The following EYS variants were observed in gnomAD, a reference collection of about 807,000 sequenced individuals.
EYS encodes the protein EGF-like photoreceptor maintenance factor.
Under a neutral mutation model 282.1 loss-of-function variants are expected in EYS, and 250 were observed. The observed-to-expected ratio is 0.89, with a 90% confidence interval of 0.80 to 0.98. The LOEUF (loss-of-function observed/expected upper bound fraction) is 0.98. EYS is among the 50% of genes least tolerant of loss of function. EYS has a pLI of 0.00. For missense variants in EYS, 4,016 were observed against 3,709.0 expected, an observed-to-expected ratio of 1.08 and a Z score of -2.15; for synonymous variants, 1,355 against 1,282.9, an observed-to-expected ratio of 1.06 and a Z score of -1.20.
intron 9 of EYS, among the ~76,000 whole-genome samples, chr6:65,347,965 A>G (rs1770463657): frequency 6.6e-6 from 1 of 151,702 alleles, no homozygotes; most frequent in African/African-American, 2.4e-5. Flanking sequence ...CTACAAATAC[A>G]TGAGAACATG....
intron 2 of EYS, among the ~76,000 whole-genome samples, chr6:65,497,037 T>C (rs1404383861): frequency 1.3e-5 from 2 of 152,026 alleles, no homozygotes; most frequent in Non-Finnish European, 2.9e-5. Context: ...AAAGATAAAA[T>C]ACAACTTCTA....
intron 5 of EYS, among the ~76,000 whole-genome samples, chr6:65,449,096 C>CA (rs1480904446): frequency 1.3e-5 from 2 of 152,048 alleles, no homozygotes; most frequent in South Asian, 2.1e-4. Flanking sequence ...GGACCGAGCA[C>CA]AAAAATAACC....
intron 11 of EYS, among the ~76,000 whole-genome samples, chr6:65,325,366 A>T (rs187903841): frequency 6.6e-6 from 1 of 152,316 alleles, no homozygotes; most frequent in Admixed American, 6.5e-5. Context: ...TGCATTTGAT[A>T]CCTACACTGT....
intron 26 of EYS, among the ~76,000 whole-genome samples, chr6:64,456,677 G>T (rs1775568029): frequency 6.6e-6 from 1 of 151,682 alleles, no homozygotes; most frequent in Non-Finnish European, 1.5e-5. Context: ...GGGTTTTTTT[G>T]CAGGCATATG....
intron 35 of EYS, among the ~76,000 whole-genome samples, chr6:63,958,968 G>T (rs941339128): frequency 2.6e-5 from 4 of 152,156 alleles, no homozygotes; most frequent in African/African-American, 9.7e-5. Flanking sequence ...TTGTTTTCAT[G>T]CTTGCTGATA....
rs59095242 is a variant in EYS at position 65,210,931 on chromosome 6, A to AACACACACAC, written c.2023+84922_2023+84931dup. Among the ~76,000 whole-genome samples, 808 of 148,486 alleles carry AACACACACAC rather than the reference A, an allele frequency of 5.4e-3. 6 individuals carry two copies. Among genetic ancestry groups the AACACACACAC allele is most frequent in the African/African-American group, 0.019 (774 of 40,588 alleles). ...TTTAATTTACCTATAAAGTCGTACA[A>AACACACACAC]ACACACACACACACACACACACACA... On this transcript the variant is annotated intron_variant, in intron 12 of 42. Transcript: ENST00000503581.
intron 18 of EYS, among the ~76,000 whole-genome samples, chr6:64,897,265 C>A (rs1767503882): frequency 6.6e-6 from 1 of 152,092 alleles, no homozygotes; most frequent in Admixed American, 6.5e-5. Context: ...GAGCAGGCAA[C>A]AATATTTGCC....
chr6:64,573,685 T>A (rs906942833), intron 26 of EYS, among the ~76,000 whole-genome samples: 2 of 152,074 alleles, frequency 1.3e-5, no homozygotes, highest in African/African-American at 4.8e-5. Flanking sequence ...AAGCTCATCA[T>A]CAGTGGTCAT....
chr6:64,516,443 TTAAAA>T (rs1482245063), intron 26 of EYS, among the ~76,000 whole-genome samples: 2 of 151,828 alleles, frequency 1.3e-5, no homozygotes, highest in African/African-American at 2.4e-5. Flanking sequence ...ACCCCTGAAC[TTAAAA>T]TAAAAGTTAA....
intron 23 of EYS, among the ~76,000 whole-genome samples, chr6:64,623,692 T>G (rs1043377838): frequency 3.3e-5 from 5 of 152,050 alleles, no homozygotes; most frequent in African/African-American, 9.7e-5. Context: ...CAGTTCCTTT[T>G]GGGGGTAAAG....
chr6:64,259,854 AC>A (rs200530004), intron 30 of EYS, among the ~76,000 whole-genome samples: 1 of 78,588 alleles, frequency 1.3e-5, no homozygotes, highest in South Asian at 4.4e-4. Context: ...TTTATCAAAA[AC>A]AAAACTTATT....
chr6:64,231,151 C>A (rs1766415947), intron 30 of EYS, among the ~76,000 whole-genome samples: 1 of 152,104 alleles, frequency 6.6e-6, no homozygotes, highest in African/African-American at 2.4e-5. Flanking sequence ...AGAATTAGGT[C>A]ATGTTACATC....
intron 22 of EYS, among the ~76,000 whole-genome samples, chr6:64,672,231 C>T (rs1477184919): frequency 6.6e-6 from 1 of 152,154 alleles, no homozygotes; most frequent in East Asian, 1.9e-4. Flanking sequence ...TTTCTCAAAT[C>T]ATCTTACTCA....
chr6:64,365,284 C>A (rs1393853490), intron 29 of EYS, among the ~76,000 whole-genome samples: 1 of 151,898 alleles, frequency 6.6e-6, no homozygotes, highest in African/African-American at 2.4e-5. Flanking sequence ...ACATATAGAG[C>A]AGAAATAATC....
At chr6:64,512,674 G>A (rs1006548309) in intron 26 of EYS, among the ~76,000 whole-genome samples, 1 of 151,906 alleles carries the variant, frequency 6.6e-6, no homozygotes, top group Admixed American at 6.6e-5. Flanking sequence ...CCTCATAATA[G>A]GAAGAATAAA....
chr6:65,451,402 T>C (rs1764392573), intron 5 of EYS, among the ~76,000 whole-genome samples: 1 of 152,120 alleles, frequency 6.6e-6, no homozygotes, highest in South Asian at 2.1e-4. Flanking sequence ...TCAATCAAAA[T>C]GCATTATTTG....
At chr6:64,503,455 T>C (rs1235057058) in intron 26 of EYS, among the ~76,000 whole-genome samples, 2 of 152,196 alleles carry the variant, frequency 1.3e-5, no homozygotes, top group Non-Finnish European at 2.9e-5. Flanking sequence ...TTAAGCTTTT[T>C]TAAAACTGCT....
chr6:65,570,131 AT>A (rs67245164), intron 2 of EYS, among the ~76,000 whole-genome samples: 70,573 of 150,524 alleles, frequency 0.47, 16,501 homozygotes, highest in African/African-American at 0.53. Flanking sequence ...AAAAAATAAA[AT>A]AAAAAAAAGT....
intron 13 of EYS, among the ~76,000 whole-genome samples, chr6:65,040,607 A>G (rs1338252836): frequency 6.6e-6 from 1 of 151,648 alleles, no homozygotes; most frequent in African/African-American, 2.4e-5. Flanking sequence ...AAAATTTAGC[A>G]CATAGTATAC....
Sources: allele counts gnomAD v4.1 joint callset (sites outside exome capture counted in the v4.1 genomes callset), GRCh38; gene constraint gnomAD v4.1.1; transcripts MANE v1.5; gene names NCBI Gene and HGNC (gene_info 2026-07-23, HGNC 2026-07-21).